Variants in FLT3 observed in about 807,000 individuals in gnomAD.
FLT3 encodes the protein fms related receptor tyrosine kinase 3.
A neutral mutation model predicts 126.6 loss-of-function variants in FLT3; 46 were observed. The observed-to-expected ratio is 0.36, with a 90% CI of 0.29 to 0.46. The LOEUF (loss-of-function observed/expected upper bound fraction) is 0.46. Among genes scored for constraint, FLT3 ranks in the 20% least tolerant of loss-of-function variants. The pLI is 1.00. For synonymous variants in FLT3, 404 were observed against 434.4 expected, an observed-to-expected ratio of 0.93 and a Z score of 0.87; for missense variants, 1,069 against 1,190.3, an observed-to-expected ratio of 0.90 and a Z score of 1.50.
At chr13:28,013,369 C>T (rs1871560802) in intron 23 of FLT3, among the ~76,000 whole-genome samples, 1 of 152,226 alleles carries the variant, frequency 6.6e-6, no homozygotes. Flanking sequence ...ACCTGATTTA[C>T]TCCTTCTTAC....
chr13:28,072,848 T>C (rs1327444612), intron 1 of FLT3, among the ~76,000 whole-genome samples: 1 of 150,892 alleles, frequency 6.6e-6, no homozygotes, highest in Non-Finnish European at 1.5e-5. Flanking sequence ...CCTAAAAAAA[T>C]ACAAAAATTA....
intron 3 of FLT3, among the ~76,000 whole-genome samples, chr13:28,058,374 G>T (rs914904136): frequency 1.3e-5 from 2 of 151,282 alleles, no homozygotes; most frequent in Non-Finnish European, 2.9e-5. Flanking sequence ...TAGCTGGGTG[G>T]GGTGGCGCAT....
At chr13:28,051,238 T>C (rs1875428385) in intron 5 of FLT3, among the ~76,000 whole-genome samples, 1 of 145,616 alleles carries the variant, frequency 6.9e-6, no homozygotes, top group Non-Finnish European at 1.5e-5. Context: ...TCTTTCTTCC[T>C]TTCTTTTCTT....
chr13:28,043,426 G>A (rs999333934), intron 9 of FLT3, among the ~76,000 whole-genome samples: 2 of 152,222 alleles, frequency 1.3e-5, no homozygotes, highest in Non-Finnish European at 2.9e-5. Context: ...CCATGAAAGT[G>A]GGGAAGCCGA....
chr13:28,066,883 T>C (rs1877084934), intron 2 of FLT3, among the ~76,000 whole-genome samples: 2 of 152,208 alleles, frequency 1.3e-5, no homozygotes, highest in South Asian at 4.1e-4. Context: ...TTATTAATTA[T>C]AAGTGAAGAA....
chr13:28,017,831 A>G (rs1872023324), intron 20 of FLT3, among the ~76,000 whole-genome samples: 1 of 151,816 alleles, frequency 6.6e-6, no homozygotes, highest in Admixed American at 6.6e-5. Flanking sequence ...CGCCCAGCTA[A>G]TTTTTTGTAT....
At chr13:28,079,748 C>T (rs551558834) in intron 1 of FLT3, among the ~76,000 whole-genome samples, 2 of 152,248 alleles carry the variant, frequency 1.3e-5, no homozygotes, top group South Asian at 2.1e-4. Context: ...AAGGATAGCA[C>T]GGGAAAGACC....
chr13:28,017,141 T>C (rs538476027), intron 20 of FLT3, among the ~76,000 whole-genome samples: 1 of 152,322 alleles, frequency 6.6e-6, no homozygotes, highest in East Asian at 1.9e-4. Flanking sequence ...TTAATATGCA[T>C]AAAGCACTTA....
chr13:28,011,677 T>TTCCTTCCTTCCTTCCTTCCTTCCTTCCG, intron 23 of FLT3, among the ~76,000 whole-genome samples: 1 of 145,992 alleles, frequency 6.8e-6, no homozygotes, highest in Non-Finnish European at 1.5e-5. Context: ...CCTTCCTTCC[T>TTCCTTCCTTCCTTCCTTCCTTCCTTCCG]TCCCTCCTCC....
intron 9 of FLT3, among the ~76,000 whole-genome samples, chr13:28,041,685 G>A (rs1373173631): frequency 6.6e-6 from 1 of 152,190 alleles, no homozygotes; most frequent in Non-Finnish European, 1.5e-5. Context: ...TGACCCCATG[G>A]GAATTCCAAG....
At chr13:28,098,635 G>T (rs1051906121) in intron 1 of FLT3, among the ~76,000 whole-genome samples, 4 of 152,078 alleles carry the variant, frequency 2.6e-5, no homozygotes, top group African/African-American at 9.7e-5. Flanking sequence ...CCTTTATACT[G>T]GTGTTTATGT....
At chr13:28,071,242 TCAGGTGATCCAC>T (rs1877494131) in intron 1 of FLT3, among the ~76,000 whole-genome samples, 1 of 151,682 alleles carries the variant, frequency 6.6e-6, no homozygotes, top group Admixed American at 6.6e-5. Context: ...ACTCCTGACC[TCAGGTGATCCAC>T]CCGCCTCTGC....
intron 3 of FLT3, among the ~76,000 whole-genome samples, chr13:28,060,390 C>CT (rs1178410160): frequency 7.0e-6 from 1 of 143,316 alleles, no homozygotes; most frequent in Admixed American, 7.3e-5. Context: ...CCACTGCACT[C>CT]CATCCTGGGA....
chr13:28,061,999 G>C lies in FLT3; in HGVS notation c.236C>G (p.Ala79Gly), dbSNP rs746082684. The stretch of plus-strand genomic sequence containing the variant: ...AGCAGATACATCCACTTCCACAGCG[G>C]CAGCTTCGTACACTGTCCCTGAGCT... ...PQSSGTVYEA[A>G]AVEVDVSASI... The change falls in exon 3 of 24, where the codon GCC becomes GGC. Residue 79 changes from alanine (A) to glycine (G), a missense_variant. Transcript: ENST00000241453. 3.1e-6 allele frequency: 5 copies of C among 1,613,310 alleles called. No individual in the cohort carries two copies. The East Asian group carries it at 8.9e-5, about 29-fold the overall frequency.
Position 28,052,677 on chromosome 13 carries a change from A to ACACATT in FLT3, c.485-4_485-3insAATGTG. 1.3e-6 allele frequency: 2 copies of ACACATT among 1,583,182 alleles called. No individual in the cohort carries two copies. Among genetic ancestry groups the ACACATT allele is most frequent in the South Asian group, 2.2e-5 (2 of 89,534 alleles). ...TCTTAATGTGTAAAGCAGGGTATCT[A>ACACATT]AAGCATCATAAGTTATTAACATTTT... On this transcript the variant is annotated splice_region_variant and splice_polypyrimidine_tract_variant and intron_variant, in intron 4 of 23. Coordinates refer to ENST00000241453, the MANE Select transcript of FLT3 (RefSeq NM_004119.3).
chr13:28,086,401 G>A (rs1186686287), intron 1 of FLT3, among the ~76,000 whole-genome samples: 1 of 152,010 alleles, frequency 6.6e-6, no homozygotes, highest in African/African-American at 2.4e-5. Context: ...AGGCTTTGTG[G>A]TATTGCTGAC....
rs1879758429 is a variant in FLT3 at position 28,100,463 on chromosome 13, C to T, written c.43+5G>A. On this transcript the variant is annotated splice_donor_5th_base_variant and intron_variant, in intron 1 of 23. Coordinates refer to ENST00000241453, the MANE Select transcript of FLT3 (RefSeq NM_004119.3). This position sits in a 1 kb window ranked among gnomAD's most constrained non-coding sequence, Gnocchi z 4.8. ...GGGGCTGCGAGCGAGCGAGCGGGGC[C>T]TTACCGAGCAGCGGCAGCTGGCCGC... The T allele has an allele frequency of 8.2e-7, 1 of 1,217,740 alleles. No homozygotes were observed. The highest frequency in any genetic ancestry group is 1.0e-6 in the Non-Finnish European group (1 of 979,096). The allele number at this position is 1,217,740 out of a possible 1,614,324, so 75.4% of individuals were successfully genotyped here. A position where few individuals can be genotyped will look rare whatever the true frequency, so the allele number is the denominator to read the frequency against.
chr13:28,016,539 G>T, intron 20 of FLT3, among the ~76,000 whole-genome samples: 1 of 152,122 alleles, frequency 6.6e-6, no homozygotes. Flanking sequence ...AAAGTGCTGG[G>T]ATTACAGCTG....
intron 15 of FLT3, among the ~76,000 whole-genome samples, chr13:28,032,885 A>G (rs922299537): frequency 3.9e-5 from 6 of 152,234 alleles, no homozygotes; most frequent in Admixed American, 1.3e-4. Context: ...TTTGGTTTGA[A>G]GTCACTGTTG....
Sources: gnomAD v4.1 joint callset for allele counts (sites outside exome capture counted in the v4.1 genomes callset) on GRCh38, gnomAD v4.1.1 for gene constraint, Gnocchi (gnomAD v3.1) non-coding constraint, MANE v1.5 for transcripts, NCBI Gene and HGNC (gene_info 2026-07-23, HGNC 2026-07-21) for gene names.